The following SSTR4 variants were observed in gnomAD, a reference collection of about 807,000 sequenced individuals.
The protein encoded by SSTR4 is somatostatin receptor 4.
For synonymous variants in SSTR4, 272 were observed against 246.3 expected (o/e 1.10, Z -0.98); for missense variants, 649 against 540.6 (o/e 1.20, Z -1.99).
chr20:23,035,735 C>A lies in SSTR4; in HGVS notation c.252C>A (p.Ile84=). The stretch of plus-strand genomic sequence containing the variant: ...CCAAGATGAAGACGGCTACCAACAT[C>A]TACCTGCTCAACCTGGCCGTAGCCG... ...RYAKMKTATN[I]YLLNLAVADE... Residue 84 remains isoleucine, a synonymous_variant, in exon 1 of 1, where the codon ATC becomes ATA. Transcript: ENST00000255008. 1 of 1,583,120 alleles carries A rather than the reference C, an allele frequency of 6.3e-7. No individual in the cohort carries two copies. Among genetic ancestry groups the A allele is most frequent in the Admixed American group, 1.8e-5 (1 of 55,900 alleles).
Position 23,037,018 on chromosome 20 carries a change from G to A in SSTR4, c.*368G>A, listed in dbSNP as rs1984349248. 6.6e-6 allele frequency among the ~76,000 whole-genome samples: 1 copy of A among 152,220 alleles called. No homozygotes were observed. Among genetic ancestry groups the A allele is most frequent in the Non-Finnish European group, 1.5e-5 (1 of 68,038 alleles). On this transcript the variant is annotated 3_prime_UTR_variant, in exon 1 of 1. Coordinates refer to ENST00000255008, the MANE Select transcript of SSTR4 (RefSeq NM_001052.4). ...GAGAGGACTCAAGAAGGTGGAGGGA[G>A]GTAGCACCCTTCCTCTCTGCAGACG...
Position 23,035,550 on chromosome 20 carries a change from G to A in SSTR4, c.67G>A (p.Ala23Thr). 1 of 1,594,224 alleles carries A rather than the reference G, an allele frequency of 6.3e-7. No individual in the cohort carries two copies. The highest frequency in any genetic ancestry group is 8.5e-7 in the Non-Finnish European group (1 of 1,172,904). The change falls in exon 1 of 1, where the codon GCC (alanine) becomes ACC (threonine). Residue 23 changes from alanine to threonine, a missense_variant. Coordinates refer to ENST00000255008, the MANE Select transcript of SSTR4 (RefSeq NM_001052.4). ...GCTGGGGACGGCCTGGCCCTCTGCA[G>A]CCAATGCCAGTAGCGCTCCGGCGGA... The part of the protein sequence containing the change: ...EGLGTAWPSA[A>T]NASSAPAEAE...
Position 23,035,906 on chromosome 20 carries a change from C to T in SSTR4, c.423C>T (p.Ser141=), listed in dbSNP as rs778910626. Residue 141 remains serine, a synonymous_variant, in exon 1 of 1, where the codon AGC becomes AGT. Transcript: ENST00000255008. The part of the protein sequence containing the change: ...FTSVFCLTVL[S]VDRYVAVVHP... ...GCGTCTTCTGTCTCACCGTGCTCAGCGTGGACCGCTACGTGGCCGTGGTGC... is the reference window on the plus strand; with the variant it reads ...GCGTCTTCTGTCTCACCGTGCTCAGTGTGGACCGCTACGTGGCCGTGGTGC... 2.5e-6 allele frequency: 4 copies of T among 1,613,012 alleles called. No homozygotes were observed. Among genetic ancestry groups the T allele is most frequent in the Admixed American group, 3.3e-5 (2 of 59,974 alleles).
rs1328926064 is a variant in SSTR4 at position 23,038,722 on chromosome 20, C to T, written c.*2072C>T. ...GCTGTAAACTCTGCATTGGCAGAGA[C>T]ACCGTGGAGACACGCGAATCAAATG... On this transcript the variant is annotated 3_prime_UTR_variant, in exon 1 of 1. Coordinates refer to ENST00000255008, the MANE Select transcript of SSTR4 (RefSeq NM_001052.4). Among the ~76,000 whole-genome samples, 7 of 152,216 alleles carry T rather than the reference C, an allele frequency of 4.6e-5. No individual in the cohort carries two copies. In the East Asian group the frequency reaches 1.2e-3, roughly 25 times the overall value.
In SSTR4 at chr20:23,035,828, C is replaced by T. The variant is rs1891395108; in HGVS notation, c.345C>T (p.Gly115=). 6.3e-7 allele frequency: 1 copy of T among 1,594,698 alleles called. No individual in the cohort carries two copies. Among genetic ancestry groups the T allele is most frequent in the Non-Finnish European group, 8.5e-7 (1 of 1,170,716 alleles). The change falls in exon 1 of 1, where the codon GGC becomes GGT. Residue 115 remains glycine, a synonymous_variant. Coordinates refer to ENST00000255008, the MANE Select transcript of SSTR4 (RefSeq NM_001052.4). ...CCGCCCTGCGCCACTGGCCCTTCGG[C>T]TCCGTGCTGTGCCGCGCGGTGCTCA... is the stretch of plus-strand genomic sequence containing the variant. ...SSAALRHWPF[G]SVLCRAVLSV... is the part of the protein sequence containing the mutation.
rs777593559 is a variant in SSTR4 at position 23,035,572 on chromosome 20, CGGAGGCGGA to C, written c.98_106del (p.Glu33_Ala35del). 3 of 1,580,738 alleles carry C rather than the reference CGGAGGCGGA, an allele frequency of 1.9e-6. No individual in the cohort carries two copies. The highest frequency in any genetic ancestry group is 1.7e-6 in the Non-Finnish European group (2 of 1,166,734). On this transcript the variant is annotated inframe_deletion, in exon 1 of 1. Transcript: ENST00000255008. ...GCAGCCAATGCCAGTAGCGCTCCGG[CGGAGGCGGA>C]GGAGGCGGTGGCGGGGCCCGGGGAC... is the stretch of plus-strand genomic sequence containing the variant.
In SSTR4 at chr20:23,035,410, G is replaced by A. The variant is rs1984269628; in HGVS notation, c.-74G>A. On this transcript the variant is annotated 5_prime_UTR_variant, in exon 1 of 1. Transcript: ENST00000255008. The stretch of plus-strand genomic sequence containing the variant: ...CGTCTGCGCGCCAGCCCCCGCCCTG[G>A]GCCCGCCGCCCGAGCTCTCTGGCGC... The A allele has an allele frequency of 1.7e-6, 2 of 1,154,618 alleles. No individual in the cohort carries two copies. The highest frequency in any genetic ancestry group is 4.3e-5 in the Admixed American group (1 of 23,146). 71.5% of individuals were successfully genotyped at this position (1,154,618 alleles called of 1,614,324 possible).
In SSTR4 at chr20:23,036,692, G is replaced by T. The variant is rs757154553; in HGVS notation, c.*42G>T. On this transcript the variant is annotated 3_prime_UTR_variant, in exon 1 of 1. Coordinates refer to ENST00000255008, the MANE Select transcript of SSTR4 (RefSeq NM_001052.4). ...CCACCCTGCGTGGCCACCTCCCAAG[G>T]GGTGGGCACCATTCCTACAGCCCCG... 6.6e-7 allele frequency: 1 copy of T among 1,513,926 alleles called. No homozygotes were observed. The highest frequency in any genetic ancestry group is 8.8e-7 in the Non-Finnish European group (1 of 1,130,962). The allele number at this position is 1,513,926 out of a possible 1,614,324, so 93.8% of individuals were successfully genotyped here.
chr20:23,035,418 G>T lies in SSTR4; in HGVS notation c.-66G>T, dbSNP rs1430856997. On this transcript the variant is annotated 5_prime_UTR_variant, in exon 1 of 1. Coordinates refer to ENST00000255008, the MANE Select transcript of SSTR4 (RefSeq NM_001052.4). ...CGCCAGCCCCCGCCCTGGGCCCGCC[G>T]CCCGAGCTCTCTGGCGCAGCGCTAG... The T allele has an allele frequency of 8.3e-7, 1 of 1,204,530 alleles. No individual in the cohort carries two copies. The highest frequency in any genetic ancestry group is 1.0e-6 in the Non-Finnish European group (1 of 959,626). 74.6% of individuals were successfully genotyped at this position (1,204,530 alleles called of 1,614,324 possible). A position where few individuals can be genotyped will look rare whatever the true frequency, so the allele number is the denominator to read the frequency against.
rs1383594443 is a variant in SSTR4, at chr20:23,038,189, T to G, written c.*1539T>G. 2.6e-5 allele frequency: 4 copies of G among 151,590 alleles called. No homozygotes were observed. The East Asian group carries it at 5.8e-4, about 22-fold the overall frequency. 9.4% of individuals were successfully genotyped at this position (151,590 alleles called of 1,614,324 possible). On this transcript the variant is annotated 3_prime_UTR_variant, in exon 1 of 1. Transcript: ENST00000255008. Reference sequence around the variant, plus strand: ...CTCGTGTAACCATAACTACTTGGAGTTTTTTAAAACTGCATTATTTCTTTG... The same window carrying G: ...CTCGTGTAACCATAACTACTTGGAGGTTTTTAAAACTGCATTATTTCTTTG...
Position 23,036,424 on chromosome 20 carries a change from T to C in SSTR4, c.941T>C (p.Leu314Pro), listed in dbSNP as rs752108363. Residue 314 changes from leucine to proline, a missense_variant, in exon 1 of 1, where the codon CTC (leucine) becomes CCC (proline). Physicochemically the swap from Leu to Pro is moderately conservative, Grantham distance 98 (BLOSUM62 -3). Transcript: ENST00000255008. ...GCCAACCCCATTCTCTATGGCTTCC[T>C]CTCCGACAACTTCCGCCGATTCTTC... ...SCANPILYGF[L>P]SDNFRRFFQR... 1.2e-6 allele frequency: 2 copies of C among 1,614,054 alleles called. No individual in the cohort carries two copies. Among genetic ancestry groups the C allele is most frequent in the South Asian group, 2.2e-5 (2 of 91,074 alleles).
chr20:23,036,109 C>G lies in SSTR4; in HGVS notation c.626C>G (p.Ala209Gly), dbSNP rs1984308838. 1 of 1,602,446 alleles carries G rather than the reference C, an allele frequency of 6.2e-7. No individual in the cohort carries two copies. Among genetic ancestry groups the G allele is most frequent in the African/African-American group, 1.3e-5 (1 of 75,046 alleles). Residue 209 changes from alanine (A) to glycine (G), a missense_variant, in exon 1 of 1, where the codon GCA becomes GGA. Transcript: ENST00000255008. ...CAGTGGCCACACCCGGCCTGGTCGGCAGTCTTCGTGGTCTACACTTTCCTG... is the reference window on the plus strand; with the variant it reads ...CAGTGGCCACACCCGGCCTGGTCGGGAGTCTTCGTGGTCTACACTTTCCTG... ...NLQWPHPAWSAVFVVYTFLLG... is the reference protein window; with the variant it reads ...NLQWPHPAWSGVFVVYTFLLG...
In SSTR4 at chr20:23,036,759, GTTCC is replaced by G; in HGVS notation, c.*114_*117del. On this transcript the variant is annotated 3_prime_UTR_variant, in exon 1 of 1. Coordinates refer to ENST00000255008, the MANE Select transcript of SSTR4 (RefSeq NM_001052.4). ...AATGCTCACCTAAGCTCCACCACCT[GTTCC>G]TTCCAGCAGCCCATGTACCTGCCGG... 7.9e-7 allele frequency: 1 copy of G among 1,266,986 alleles called. No individual in the cohort carries two copies. 78.5% of individuals were successfully genotyped at this position (1,266,986 alleles called of 1,614,324 possible).
rs1266073993 is a variant in SSTR4, at chr20:23,036,309, T to C, written c.826T>C (p.Tyr276His). The change falls in exon 1 of 1, where the codon TAC becomes CAC. Residue 276 changes from tyrosine to histidine, a missense_variant. By Grantham distance (83) the Tyr-to-His change is moderately conservative. Coordinates refer to ENST00000255008, the MANE Select transcript of SSTR4 (RefSeq NM_001052.4). ...CTTTGTGCTCTGCTGGATGCCTTTC[T>C]ACGTGGTGCAGCTGCTGAACCTCTT... is the stretch of plus-strand genomic sequence containing the variant. ...VVFVLCWMPF[Y>H]VVQLLNLFVT... The C allele has an allele frequency of 6.2e-7, 1 of 1,614,066 alleles. No homozygotes were observed.
At position 23,036,595 on chromosome 20, in the gene SSTR4, T is replaced by C. The variant is rs760303873; in HGVS notation, c.1112T>C (p.Leu371Pro). The change falls in exon 1 of 1, where the codon CTG becomes CCG. Residue 371 changes from leucine to proline, a missense_variant. Leu to Pro is a moderately conservative substitution (Grantham distance 98, BLOSUM62 -3). Coordinates refer to ENST00000255008, the MANE Select transcript of SSTR4 (RefSeq NM_001052.4). ...CCACTCCCCTGCCAGCAGGAAGCCC[T>C]GCAACCAGAACCCGGCCGCAAGCGC... ...CPPLPCQQEA[L>P]QPEPGRKRIP... 8.9e-5 allele frequency: 142 copies of C among 1,589,342 alleles called. No homozygotes were observed. The highest frequency in any genetic ancestry group is 1.2e-4 in the Non-Finnish European group (136 of 1,168,570).
chr20:23,038,118 C>T lies in SSTR4; in HGVS notation c.*1468C>T, dbSNP rs1249106953. The stretch of plus-strand genomic sequence containing the variant: ...ACCATCTCTAATTTGTTGGCACCCA[C>T]CAGGGATACCTTGGGCATCTGAAGT... On this transcript the variant is annotated 3_prime_UTR_variant, in exon 1 of 1. Coordinates refer to ENST00000255008, the MANE Select transcript of SSTR4 (RefSeq NM_001052.4). 6.6e-6 allele frequency: 1 copy of T among 152,198 alleles called. No individual in the cohort carries two copies. Among genetic ancestry groups the T allele is most frequent in the Non-Finnish European group, 1.5e-5 (1 of 68,050 alleles). 9.4% of individuals were successfully genotyped at this position (152,198 alleles called of 1,614,324 possible).
chr20:23,036,757 C>T lies in SSTR4; in HGVS notation c.*107C>T. On this transcript the variant is annotated 3_prime_UTR_variant, in exon 1 of 1. Transcript: ENST00000255008. ...TGAATGCTCACCTAAGCTCCACCAC[C>T]TGTTCCTTCCAGCAGCCCATGTACC... 1 of 1,289,932 alleles carries T rather than the reference C, an allele frequency of 7.8e-7. No homozygotes were observed. Among genetic ancestry groups the T allele is most frequent in the Non-Finnish European group, 1.1e-6 (1 of 937,974 alleles). The allele number at this position is 1,289,932 out of a possible 1,614,324, so 79.9% of individuals were successfully genotyped here.
Position 23,036,763 on chromosome 20 carries a change from C to T in SSTR4, c.*113C>T. 1.6e-6 allele frequency: 2 copies of T among 1,221,626 alleles called. No homozygotes were observed. Among genetic ancestry groups the T allele is most frequent in the Non-Finnish European group, 2.3e-6 (2 of 878,610 alleles). 75.7% of individuals were successfully genotyped at this position (1,221,626 alleles called of 1,614,324 possible). ...CTCACCTAAGCTCCACCACCTGTTC[C>T]TTCCAGCAGCCCATGTACCTGCCGG... On this transcript the variant is annotated 3_prime_UTR_variant, in exon 1 of 1. Transcript: ENST00000255008.
In SSTR4 at chr20:23,035,514, G is replaced by A. The variant is rs765011005; in HGVS notation, c.31G>A (p.Gly11Ser). 6.4e-7 allele frequency: 1 copy of A among 1,568,720 alleles called. No homozygotes were observed. The highest frequency in any genetic ancestry group is 8.6e-7 in the Non-Finnish European group (1 of 1,162,996). Residue 11 changes from glycine (G) to serine (S), a missense_variant, in exon 1 of 1, where the codon GGC becomes AGC. Transcript: ENST00000255008. ...CGCCCCCTCGACGCTGCCCCCCGGG[G>A]GCGAGGAAGGGCTGGGGACGGCCTG... MSAPSTLPPG[G>S]EEGLGTAWPS...
Sources: allele counts gnomAD v4.1 joint callset (sites outside exome capture counted in the v4.1 genomes callset), GRCh38; gene constraint gnomAD v4.1.1; transcripts MANE v1.5; gene names NCBI Gene and HGNC (gene_info 2026-07-23, HGNC 2026-07-21).